Variants in MYCBP2 observed in about 807,000 individuals in gnomAD.
MYCBP2 encodes the protein MYC binding protein 2.
In MYCBP2, 120 loss-of-function variants were observed where a neutral mutation model predicts 525.3. That is an observed-to-expected ratio of 0.23 (90% CI 0.20 to 0.27). MYCBP2 has a LOEUF of 0.27. Among genes scored for constraint, MYCBP2 ranks in the 10% least tolerant of loss-of-function variants. MYCBP2 has a pLI of 1.00. For missense variants in MYCBP2, 4,149 were observed against 5,657.1 expected, an observed-to-expected ratio of 0.73 and a Z score of 8.55; for synonymous variants, 1,894 against 1,955.8, an observed-to-expected ratio of 0.97 and a Z score of 0.83.
At chr13:77,305,392 G>A (rs561188631) in intron 1 of MYCBP2, among the ~76,000 whole-genome samples, 1 of 152,182 alleles carries the variant, frequency 6.6e-6, no homozygotes, top group Admixed American at 6.5e-5. Flanking sequence ...CTACAACATG[G>A]ATGAACCTTG....
At chr13:77,127,379 A>C (rs957539056) in intron 52 of MYCBP2, among the ~76,000 whole-genome samples, 2 of 151,952 alleles carry the variant, frequency 1.3e-5, no homozygotes, top group Non-Finnish European at 2.9e-5. Flanking sequence ...TCCTATGTGA[A>C]TGTAATAAAG....
At chr13:77,088,119 A>G (rs935202732) in intron 61 of MYCBP2, among the ~76,000 whole-genome samples, 20 of 152,142 alleles carry the variant, frequency 1.3e-4, no homozygotes, top group Admixed American at 9.8e-4. Context: ...CTGAAAGCAC[A>G]CGGAACTTGA....
At chr13:77,225,239 G>C (rs905893066) in intron 19 of MYCBP2, among the ~76,000 whole-genome samples, 196 bp downstream of exon 19, 1 of 152,156 alleles carries the variant, frequency 6.6e-6, no homozygotes, top group African/African-American at 2.4e-5. Flanking sequence ...TAGATCTCTA[G>C]ACAAGTACCT....
Position 77,168,539 on chromosome 13 carries a change from GCTAT to G in MYCBP2, c.5999_6002del (p.Asp2000AlafsTer23). The G allele has an allele frequency of 6.2e-7, 1 of 1,614,128 alleles. No individual in the cohort carries two copies. Reference sequence around the variant, plus strand: ...CCTGTTCAGGCTGGTTTCCTGTGGTGCTATCTGTCGACTGATTAGGGTTGAAGGC... The same window carrying G: ...CCTGTTCAGGCTGGTTTCCTGTGGTGCTGTCGACTGATTAGGGTTGAAGGC... On this transcript the variant is annotated frameshift_variant, in exon 40 of 83. Coordinates refer to ENST00000544440, the MANE Select transcript of MYCBP2 (RefSeq NM_015057.5). LOFTEE classifies it high-confidence loss of function.
chr13:77,101,843 C>T (rs2047114974), intron 55 of MYCBP2, among the ~76,000 whole-genome samples: 1 of 151,920 alleles, frequency 6.6e-6, no homozygotes, highest in African/African-American at 2.4e-5. Flanking sequence ...AAATGTTTTG[C>T]AGCATGTTAT....
At chr13:77,232,536 G>A (rs73545872) in intron 18 of MYCBP2, among the ~76,000 whole-genome samples, 169 of 152,222 alleles carry the variant, frequency 1.1e-3, no homozygotes, top group African/African-American at 4.0e-3. Context: ...GGACAACACC[G>A]AGCTAGATTC....
At position 77,164,555 on chromosome 13, in the gene MYCBP2, T is replaced by G. The variant is rs201467354; in HGVS notation, c.6460-14A>C. 18 of 1,517,140 alleles carry G rather than the reference T, an allele frequency of 1.2e-5. No individual in the cohort carries two copies. In the African/African-American group the frequency reaches 1.4e-4, roughly 12 times the overall value. 94.0% of individuals were successfully genotyped at this position (1,517,140 alleles called of 1,614,324 possible). On this transcript the variant is annotated splice_polypyrimidine_tract_variant and intron_variant, in intron 42 of 82. Coordinates refer to ENST00000544440, the MANE Select transcript of MYCBP2 (RefSeq NM_015057.5). ...TTGGATGACTCCCTATGGAATTGCA[T>G]AAAATTTGCTGCTTTAAAAATGTTT...
chr13:77,097,739 C>T lies in MYCBP2; in HGVS notation c.9415G>A (p.Glu3139Lys), dbSNP rs770990811. The change falls in exon 56 of 83, where the codon GAG (glutamate) becomes AAG (lysine). Residue 3139 changes from glutamate (E) to lysine (K), a missense_variant. Transcript: ENST00000544440. ...LHEKCEDGKT[E>K]TTFEMSMHNT... The stretch of plus-strand genomic sequence containing the variant: ...TGCATGGACATTTCAAAAGTGGTCT[C>T]GGTTTTCCCATCCTCACATTTTTCA... 7.4e-6 allele frequency: 12 copies of T among 1,613,440 alleles called. No homozygotes were observed. The highest frequency in any genetic ancestry group is 6.7e-5 in the Admixed American group (4 of 59,908).
At chr13:77,278,944 G>C (rs375918443) in intron 3 of MYCBP2, 33 bp from the exon 4 acceptor site, 4 of 1,468,180 alleles carry the variant, frequency 2.7e-6, no homozygotes, top group Non-Finnish European at 3.6e-6. Flanking sequence ...TATACTTTAT[G>C]ACATGTAAGC....
At position 77,097,734 on chromosome 13, in the gene MYCBP2, G is replaced by T. The variant is rs773123625; in HGVS notation, c.9420C>A (p.Thr3140=). The T allele has an allele frequency of 1.9e-6, 3 of 1,613,538 alleles. No homozygotes were observed. The East Asian group carries it at 6.7e-5, about 36-fold the overall frequency. Residue 3140 remains threonine (T), a synonymous_variant, in exon 56 of 83, where the codon ACC becomes ACA. Coordinates refer to ENST00000544440, the MANE Select transcript of MYCBP2 (RefSeq NM_015057.5). The part of the protein sequence containing the change: ...HEKCEDGKTE[T]TFEMSMHNTM... ...TGTTATGCATGGACATTTCAAAAGTGGTCTCGGTTTTCCCATCCTCACATT... is the reference window on the plus strand; with the variant it reads ...TGTTATGCATGGACATTTCAAAAGTTGTCTCGGTTTTCCCATCCTCACATT...
intron 32 of MYCBP2, among the ~76,000 whole-genome samples, chr13:77,184,560 A>C (rs1238868114): frequency 6.6e-6 from 1 of 152,154 alleles, no homozygotes; most frequent in Non-Finnish European, 1.5e-5. Context: ...TTTTTGGCCT[A>C]GTTCCTCTAT....
rs567813322 is a variant in MYCBP2 at position 77,066,808 on chromosome 13, T to G, written c.12456-720A>C. Among the ~76,000 whole-genome samples the G allele has an allele frequency of 1.2e-3, 189 of 152,294 alleles. 1 individual carries two copies. The highest frequency in any genetic ancestry group is 4.1e-3 in the African/African-American group (169 of 41,576). On this transcript the variant is annotated intron_variant, in intron 71 of 82. Transcript: ENST00000544440. The stretch of plus-strand genomic sequence containing the variant: ...TTTTAATCTACATTTCTCTGATTAG[T>G]AGTGAGGTGTTTTCATTTGTTTACT...
chr13:77,288,120 C>T (rs2077080748), intron 3 of MYCBP2, 41 bp downstream of exon 3: 2 of 1,587,598 alleles, frequency 1.3e-6, no homozygotes, highest in Non-Finnish European at 1.7e-6. Context: ...AGAACACCTG[C>T]AGGTTACACA....
chr13:77,093,207 A>C lies in MYCBP2; in HGVS notation c.10325T>G (p.Val3442Gly). The C allele has an allele frequency of 6.2e-7, 1 of 1,612,876 alleles. No individual in the cohort carries two copies. Among genetic ancestry groups the C allele is most frequent in the Non-Finnish European group, 8.5e-7 (1 of 1,179,366 alleles). Residue 3442 changes from valine to glycine, a missense_variant, in exon 59 of 83, where the codon GTA becomes GGA. Physicochemically the swap from Val to Gly is moderately radical, Grantham distance 109. Coordinates refer to ENST00000544440, the MANE Select transcript of MYCBP2 (RefSeq NM_015057.5). ...ISVTPDASPN[V>G]FEEPESNMKS... ...CATATTGCTCTCTGGCTCTTCAAAT[A>C]CATTAGGACTTGCATCAGGAGTTAC...
intron 1 of MYCBP2, among the ~76,000 whole-genome samples, chr13:77,305,733 GAATA>G (rs1269442343): frequency 1.2e-4 from 19 of 152,062 alleles, no homozygotes; most frequent in African/African-American, 4.1e-4. Flanking sequence ...CATGTGGAAA[GAATA>G]AATACATAAT....
rs139570825 is a variant in MYCBP2, at chr13:77,288,197, T to G, written c.558A>C (p.Glu186Asp). ...VQSGESDSDE[E>D]EESKEPPIKL... Reference sequence around the variant, plus strand: ...TGATAGGGGGCTCTTTGGATTCCTCTTCTTCATCACTATCTGATTCTCCAC... The same window carrying G: ...TGATAGGGGGCTCTTTGGATTCCTCGTCTTCATCACTATCTGATTCTCCAC... Residue 186 changes from glutamate to aspartate, a missense_variant, in exon 3 of 83, where the codon GAA (glutamate) becomes GAC (aspartate). This residue lies in a region of MYCBP2 where 413 missense variants were observed against 451.2 expected (regional missense o/e 0.92). Transcript: ENST00000544440. 3 of 1,614,068 alleles carry G rather than the reference T, an allele frequency of 1.9e-6. No homozygotes were observed. Among genetic ancestry groups the G allele is most frequent in the Non-Finnish European group, 2.5e-6 (3 of 1,180,030 alleles).
At chr13:77,049,644 A>T (rs747011350) in intron 82 of MYCBP2, among the ~76,000 whole-genome samples, 1 of 151,666 alleles carries the variant, frequency 6.6e-6, no homozygotes, top group Admixed American at 6.6e-5. Flanking sequence ...CTGTTCTGCA[A>T]TTTGCTTTTT....
At chr13:77,185,511 A>C (rs2060637967) in intron 31 of MYCBP2, 134 bp from the exon 32 acceptor site, 5 of 1,003,988 alleles carry the variant, frequency 5.0e-6, no homozygotes, top group Non-Finnish European at 7.1e-6. Context: ...AACAACTTAG[A>C]GATTAAGTGT....
chr13:77,084,227 AT>A (rs1262990853), intron 62 of MYCBP2, among the ~76,000 whole-genome samples: 2 of 152,324 alleles, frequency 1.3e-5, no homozygotes, highest in East Asian at 3.9e-4. Flanking sequence ...TTTAATGTGA[AT>A]TTTGATAGAT....
Sources: allele counts gnomAD v4.1 joint callset (sites outside exome capture counted in the v4.1 genomes callset), GRCh38; gene constraint gnomAD v4.1.1; regional missense constraint gnomAD v4.1.1; transcripts MANE v1.5; gene names NCBI Gene and HGNC (gene_info 2026-07-23, HGNC 2026-07-21).